The following MAP4K3 variants were observed in gnomAD, a reference collection of about 807,000 sequenced individuals.
MAP4K3 encodes the protein MAPK/ERK kinase kinase kinase 3.
In MAP4K3, 94 loss-of-function variants were observed where a neutral mutation model predicts 143.5. The observed-to-expected ratio is 0.65, with a 90% CI of 0.55 to 0.78. The LOEUF (loss-of-function observed/expected upper bound fraction) is 0.78. Ranked by LOEUF, MAP4K3 falls within the 30% of genes least tolerant of loss-of-function variation. The pLI is 0.00. For missense variants in MAP4K3, 1,077 were observed against 1,068.1 expected (o/e 1.01, Z -0.12); for synonymous variants, 416 against 347.2 (o/e 1.20, Z -2.20).
chr2:39,279,433 T>C (rs1681419009), intron 23 of MAP4K3, among the ~76,000 whole-genome samples: 1 of 152,192 alleles, frequency 6.6e-6, no homozygotes, highest in African/African-American at 2.4e-5. Flanking sequence ...TTAATGAGTG[T>C]ATGTGTATGT....
intron 12 of MAP4K3, among the ~76,000 whole-genome samples, chr2:39,317,881 C>T (rs1009909113): frequency 1.3e-5 from 2 of 152,116 alleles, no homozygotes; most frequent in Non-Finnish European, 2.9e-5. Flanking sequence ...ACCATTCAAC[C>T]AAGCAATGCC....
chr2:39,301,468 C>A (rs988813989), intron 15 of MAP4K3, among the ~76,000 whole-genome samples: 1 of 152,170 alleles, frequency 6.6e-6, no homozygotes, highest in Admixed American at 6.5e-5. Flanking sequence ...TAAATAAACA[C>A]AAAATTTGTT....
chr2:39,359,517 C>G (rs903426647), intron 2 of MAP4K3, among the ~76,000 whole-genome samples: 2 of 152,244 alleles, frequency 1.3e-5, no homozygotes, highest in Non-Finnish European at 2.9e-5. Context: ...CAGTGACCAC[C>G]TTCTCACAGT....
rs183304891 is a variant in MAP4K3, at chr2:39,430,862, C to G, written c.96+6030G>C. Among the ~76,000 whole-genome samples, 139 of 152,234 alleles carry G rather than the reference C, an allele frequency of 9.1e-4. 1 individual carries two copies. The highest frequency in any genetic ancestry group is 5.9e-5 in the Non-Finnish European group (4 of 68,022). ...CTATTGCCAGAACTCTAAGTCAAGC[C>G]CAATGCCACCTCCTCTGCAAGGCCT... On this transcript the variant is annotated intron_variant, in intron 1 of 33. Coordinates refer to ENST00000263881, the MANE Select transcript of MAP4K3 (RefSeq NM_003618.4).
At chr2:39,377,445 A>T (rs1666250371) in intron 2 of MAP4K3, among the ~76,000 whole-genome samples, 1 of 152,088 alleles carries the variant, frequency 6.6e-6, no homozygotes, top group Non-Finnish European at 1.5e-5. Context: ...GAATAAACAA[A>T]GAGTGAGTAA....
At chr2:39,290,221 ACT>A in intron 19 of MAP4K3, 69 bp downstream of exon 19, 1 of 1,133,604 alleles carries the variant, frequency 8.8e-7, no homozygotes, top group Non-Finnish European at 1.3e-6. Flanking sequence ...AGCTAGAAAA[ACT>A]CTCAACAAAG....
At chr2:39,347,278 C>T (rs73923850) in intron 3 of MAP4K3, among the ~76,000 whole-genome samples, 2,476 of 152,174 alleles carry the variant, frequency 0.016, 67 homozygotes, top group African/African-American at 0.056. Flanking sequence ...AGCTCTCTTG[C>T]GGTACTCAGC....
intron 1 of MAP4K3, among the ~76,000 whole-genome samples, chr2:39,407,525 G>A (rs1461332457): frequency 6.6e-6 from 1 of 152,130 alleles, no homozygotes; most frequent in East Asian, 1.9e-4. Flanking sequence ...CAGGAGAAAG[G>A]TTATCTGCCT....
chr2:39,363,483 C>G (rs74377532), intron 2 of MAP4K3, among the ~76,000 whole-genome samples: 1 of 152,078 alleles, frequency 6.6e-6, no homozygotes, highest in Non-Finnish European at 1.5e-5. Context: ...GCCTGGCCAA[C>G]ATGGCAAAGC....
chr2:39,321,459 G>A (rs1683298796), intron 12 of MAP4K3, among the ~76,000 whole-genome samples: 1 of 152,174 alleles, frequency 6.6e-6, no homozygotes, highest in African/African-American at 2.4e-5. Context: ...CACTACGGAA[G>A]GCCGCAGGGA....
intron 1 of MAP4K3, among the ~76,000 whole-genome samples, chr2:39,428,959 T>G (rs1420891634): frequency 2.0e-5 from 3 of 147,922 alleles, no homozygotes; most frequent in Non-Finnish European, 3.0e-5. Context: ...TCCCAGCTAC[T>G]CGGGAGGCTG....
chr2:39,426,947 G>A (rs1256946212), intron 1 of MAP4K3, among the ~76,000 whole-genome samples: 1 of 151,960 alleles, frequency 6.6e-6, no homozygotes, highest in Non-Finnish European at 1.5e-5. Context: ...AATTTTCCAG[G>A]ACTGAGGAAA....
intron 2 of MAP4K3, among the ~76,000 whole-genome samples, chr2:39,371,663 C>T (rs985562307): frequency 6.6e-6 from 1 of 151,800 alleles, no homozygotes; most frequent in African/African-American, 2.4e-5. Context: ...TATGAAGATA[C>T]ACAGACTAAA....
chr2:39,388,864 T>C (rs1666578771), intron 1 of MAP4K3, among the ~76,000 whole-genome samples: 1 of 152,138 alleles, frequency 6.6e-6, no homozygotes, highest in African/African-American at 2.4e-5. Flanking sequence ...TAAACACATC[T>C]TCAACCCATA....
At chr2:39,374,421 C>A (rs1666164191) in intron 2 of MAP4K3, among the ~76,000 whole-genome samples, 1 of 152,032 alleles carries the variant, frequency 6.6e-6, no homozygotes, top group South Asian at 2.1e-4. Context: ...GTGGTTCACG[C>A]TTGTTAACCC....
chr2:39,385,847 G>C (rs1035421845), intron 1 of MAP4K3, among the ~76,000 whole-genome samples: 2 of 151,866 alleles, frequency 1.3e-5, no homozygotes, highest in Admixed American at 6.6e-5. Flanking sequence ...GGTCAGGCTG[G>C]TCTCAAACTC....
At chr2:39,305,624 T>C (rs1682674017) in intron 15 of MAP4K3, among the ~76,000 whole-genome samples, 1 of 152,174 alleles carries the variant, frequency 6.6e-6, no homozygotes, top group Admixed American at 6.5e-5. Context: ...ATCCCTCTTC[T>C]GCCCGAACTA....
intron 1 of MAP4K3, among the ~76,000 whole-genome samples, chr2:39,378,676 A>G (rs902047950): frequency 6.6e-6 from 1 of 152,114 alleles, no homozygotes; most frequent in Non-Finnish European, 1.5e-5. Context: ...AATTGTGTAT[A>G]TAATTATGAA....
intron 1 of MAP4K3, among the ~76,000 whole-genome samples, chr2:39,383,870 A>C (rs1434437530): frequency 1.3e-5 from 2 of 152,094 alleles, no homozygotes; most frequent in African/African-American, 2.4e-5. Flanking sequence ...TTTGCGAGGC[A>C]AAAGTGGGCA....
Sources: gnomAD v4.1 joint callset for allele counts (sites outside exome capture counted in the v4.1 genomes callset) on GRCh38, gnomAD v4.1.1 for gene constraint, MANE v1.5 for transcripts, NCBI Gene and HGNC (gene_info 2026-07-23, HGNC 2026-07-21) for gene names.